Variants in DISP3 observed in about 807,000 individuals in gnomAD.
DISP3 encodes protein dispatched homolog 3.
In DISP3, 101 loss-of-function variants were observed where a neutral mutation model predicts 135.3. The ratio of observed to expected loss-of-function variants is 0.75; its 90% CI spans 0.64 to 0.88. DISP3 has a LOEUF of 0.88. Among genes scored for constraint, DISP3 ranks in the 40% least tolerant of loss-of-function variants. The pLI, the probability that DISP3 is intolerant of heterozygous loss-of-function variation, is 0.00. For missense variants in DISP3, 1,713 were observed against 1,878.6 expected, an observed-to-expected ratio of 0.91 and a Z score of 1.63; for synonymous variants, 856 against 817.0, an observed-to-expected ratio of 1.05 and a Z score of -0.81.
intron 1 of DISP3, among the ~76,000 whole-genome samples, chr1:11,486,686 T>C (rs1641044491): frequency 7.0e-6 from 1 of 142,058 alleles, no homozygotes; most frequent in Non-Finnish European, 1.5e-5. Context: ...AAGATTAAGA[T>C]TTTTTTTTTT....
rs916356077 is a variant in DISP3 at position 11,501,741 on chromosome 1, G to T, written c.749G>T (p.Arg250Leu). Residue 250 changes from arginine (R) to leucine (L), a missense_variant, in exon 2 of 21, where the codon CGC becomes CTC. By Grantham distance (102) the Arg-to-Leu change is moderately radical (BLOSUM62 -2). Coordinates refer to ENST00000294484, the MANE Select transcript of DISP3 (RefSeq NM_020780.2). The surrounding 1 kb of genome is among the most constrained non-coding windows in gnomAD (Gnocchi z 4.9). Reference sequence around the variant, plus strand: ...GTCGCGGCCAATCAGAGCCGTGCCCGCCGAGGCGCCTCGCGCTGGGACTAC... The same window carrying T: ...GTCGCGGCCAATCAGAGCCGTGCCCTCCGAGGCGCCTCGCGCTGGGACTAC... ...AAVAANQSRA[R>L]RGASRWDYSR... The T allele has an allele frequency of 1.9e-6, 3 of 1,591,368 alleles. No individual in the cohort carries two copies. The highest frequency in any genetic ancestry group is 2.2e-5 in the South Asian group (2 of 88,998).
chr1:11,530,886 G>A (rs771617084), intron 15 of DISP3, 21 bp from the exon 16 acceptor site: 3 of 1,612,852 alleles, frequency 1.9e-6, no homozygotes, highest in African/African-American at 2.7e-5. Context: ...GCCCGGGCCG[G>A]CTTGTTTCTC....
intron 7 of DISP3, 131 bp downstream of exon 7, chr1:11,517,733 GAGA>G (rs1408069151): frequency 1.6e-6 from 2 of 1,212,468 alleles, no homozygotes; most frequent in African/African-American, 3.0e-5. Flanking sequence ...AACAGGGAAG[GAGA>G]AGATGCTTCC....
In DISP3 at chr1:11,520,602, C is replaced by A; in HGVS notation, c.2201-85C>A. On this transcript the variant is annotated intron_variant, in intron 9 of 20. Transcript: ENST00000294484. The surrounding 1 kb of genome is among the most constrained non-coding windows in gnomAD (Gnocchi z 4.8). ...GACACCCGCCCCCCAACAACCAGAG[C>A]AGTTGTCTCCCGGCACTTTGGAGCC... The A allele has an allele frequency of 6.8e-7, 1 of 1,467,152 alleles. No homozygotes were observed. The highest frequency in any genetic ancestry group is 9.3e-7 in the Non-Finnish European group (1 of 1,073,046). The allele number at this position is 1,467,152 out of a possible 1,614,324, so 90.9% of individuals were successfully genotyped here.
At chr1:11,535,448 C>T (rs752722063) in intron 19 of DISP3, 30 bp from the exon 20 acceptor site, 33 of 1,579,238 alleles carry the variant, frequency 2.1e-5, no homozygotes, top group Middle Eastern at 3.4e-4. Context: ...GCGGGGGATC[C>T]GAGCTGCCCC....
At chr1:11,535,220 T>C (rs1642676512) in intron 19 of DISP3, 96 bp downstream of exon 19, 1 of 1,216,100 alleles carries the variant, frequency 8.2e-7, no homozygotes, top group South Asian at 1.4e-5. Flanking sequence ...CTCTGAACCT[T>C]TCACTGTCAC....
chr1:11,496,111 G>A (rs10864511), intron 1 of DISP3, among the ~76,000 whole-genome samples: 2 of 150,432 alleles, frequency 1.3e-5, no homozygotes, highest in Non-Finnish European at 3.0e-5. Context: ...ATAGATGTGC[G>A]TTTTTTTTTT....
intron 10 of DISP3, among the ~76,000 whole-genome samples, chr1:11,522,386 C>A (rs1238726348): frequency 6.6e-6 from 1 of 152,188 alleles, no homozygotes; most frequent in African/African-American, 2.4e-5. Context: ...GCCCCTCACA[C>A]TTCGGAGCCA....
chr1:11,495,648 G>T (rs1474088987), intron 1 of DISP3, among the ~76,000 whole-genome samples: 2 of 152,304 alleles, frequency 1.3e-5, no homozygotes, highest in South Asian at 4.1e-4. Flanking sequence ...ATTGGACAAG[G>T]TATACTCAGG....
chr1:11,488,522 G>T (rs143651876), intron 1 of DISP3, among the ~76,000 whole-genome samples: 2 of 152,304 alleles, frequency 1.3e-5, no homozygotes, highest in African/African-American at 4.8e-5. Flanking sequence ...GGGCACCCGT[G>T]GTGGGGAACT....
Position 11,536,207 on chromosome 1 carries a change from T to C in DISP3, c.3817-117T>C. 1.4e-6 allele frequency: 2 copies of C among 1,420,330 alleles called. No individual in the cohort carries two copies. The highest frequency in any genetic ancestry group is 2.9e-5 in the South Asian group (2 of 68,302). 88.0% of individuals were successfully genotyped at this position (1,420,330 alleles called of 1,614,324 possible). On this transcript the variant is annotated intron_variant, in intron 20 of 20. Coordinates refer to ENST00000294484, the MANE Select transcript of DISP3 (RefSeq NM_020780.2). The surrounding 1 kb of genome is among the most constrained non-coding windows in gnomAD (Gnocchi z 4.3). Reference sequence around the variant, plus strand: ...CCAACCCTGGGAGGCCACTTGCAGCTCTCATCCCAGTAACAGAGCAGGAAC... The same window carrying C: ...CCAACCCTGGGAGGCCACTTGCAGCCCTCATCCCAGTAACAGAGCAGGAAC...
At chr1:11,534,921 G>A in intron 18 of DISP3, 90 bp from the exon 19 acceptor site, 1 of 1,156,390 alleles carries the variant, frequency 8.6e-7, no homozygotes. Context: ...GGGAGTCGGA[G>A]TCTCAGAGAG....
Position 11,526,715 on chromosome 1 carries a change from T to C in DISP3, c.2678T>C (p.Leu893Pro), listed in dbSNP as rs199664959. 1.8e-5 allele frequency: 29 copies of C among 1,614,102 alleles called. No homozygotes were observed. Among genetic ancestry groups the C allele is most frequent in the Non-Finnish European group, 2.2e-5 (26 of 1,180,042 alleles). ...ACCGCTTGTATGTCTACAGTAGGGCTGCTCCAGGCGGCGAGCCCCTCCCGC... is the reference window on the plus strand; with the variant it reads ...ACCGCTTGTATGTCTACAGTAGGGCCGCTCCAGGCGGCGAGCCCCTCCCGC... ...KLTACMSTVGLLQAASPSRKW... is the reference protein window; with the variant it reads ...KLTACMSTVGPLQAASPSRKW... The change falls in exon 13 of 21, where the codon CTG (leucine) becomes CCG (proline). Residue 893 changes from leucine to proline, a missense_variant. Physicochemically the swap from Leu to Pro is moderately conservative, Grantham distance 98. Coordinates refer to ENST00000294484, the MANE Select transcript of DISP3 (RefSeq NM_020780.2).
At chr1:11,530,670 G>A (rs1441433747) in intron 15 of DISP3, among the ~76,000 whole-genome samples, 1 of 152,086 alleles carries the variant, frequency 6.6e-6, no homozygotes, top group Non-Finnish European at 1.5e-5. Flanking sequence ...GGGAAGGGGA[G>A]GAGGTGAAAC....
At chr1:11,506,213 T>G (rs1408886408) in intron 3 of DISP3, among the ~76,000 whole-genome samples, 1 of 152,196 alleles carries the variant, frequency 6.6e-6, no homozygotes, top group African/African-American at 2.4e-5. Context: ...CTGTGACGTA[T>G]CTTAGTGTGT....
intron 13 of DISP3, among the ~76,000 whole-genome samples, chr1:11,528,810 C>T (rs2817631): frequency 0.13 from 20,518 of 152,232 alleles, 1,680 homozygotes; most frequent in East Asian, 0.44. Context: ...AGACTGGTCT[C>T]TGACGGGGCT....
chr1:11,522,971 C>T (rs1642289422), intron 10 of DISP3, among the ~76,000 whole-genome samples: 3 of 150,530 alleles, frequency 2.0e-5, no homozygotes, highest in South Asian at 2.1e-4. Flanking sequence ...CCAGCCAGGA[C>T]CCAGCCGGAG....
chr1:11,526,708 G>A lies in DISP3; in HGVS notation c.2671G>A (p.Val891Ile). ...GAAGCTGACCGCTTGTATGTCTACA[G>A]TAGGGCTGCTCCAGGCGGCGAGCCC... Reference protein sequence around the residue: ...TKKLTACMSTVGLLQAASPSR... With the variant: ...TKKLTACMSTIGLLQAASPSR... Residue 891 changes from valine to isoleucine, a missense_variant, in exon 13 of 21, where the codon GTA becomes ATA. Transcript: ENST00000294484. 6.2e-7 allele frequency: 1 copy of A among 1,614,162 alleles called. No individual in the cohort carries two copies. Among genetic ancestry groups the A allele is most frequent in the South Asian group, 1.1e-5 (1 of 91,082 alleles).
intron 1 of DISP3, among the ~76,000 whole-genome samples, chr1:11,495,769 T>A (rs1333875673): frequency 6.6e-6 from 1 of 152,160 alleles, no homozygotes; most frequent in African/African-American, 2.4e-5. Flanking sequence ...ATTTGCCAGC[T>A]CCCCCTGTCC....
Sources: gnomAD v4.1 joint callset for allele counts (sites outside exome capture counted in the v4.1 genomes callset) on GRCh38, gnomAD v4.1.1 for gene constraint, Gnocchi (gnomAD v3.1) non-coding constraint, MANE v1.5 for transcripts, NCBI Gene and HGNC (gene_info 2026-07-23, HGNC 2026-07-21) for gene names.